Variants in ASPSCR1 observed in about 807,000 individuals in gnomAD.
The protein encoded by ASPSCR1 is ASPSCR1 tether for SLC2A4, UBX domain containing.
In ASPSCR1, 55 loss-of-function variants were observed where a neutral mutation model predicts 68.9. The ratio of observed to expected loss-of-function variants is 0.80; its 90% CI spans 0.64 to 1.00. The LOEUF (loss-of-function observed/expected upper bound fraction) is 1.00. ASPSCR1 is among the 50% of genes least tolerant of loss of function. ASPSCR1 has a pLI of 0.00. For missense variants in ASPSCR1, 765 were observed against 762.2 expected, an observed-to-expected ratio of 1.00 and a Z score of -0.04; for synonymous variants, 352 against 332.6, an observed-to-expected ratio of 1.06 and a Z score of -0.63.
intron 5 of ASPSCR1, 81 bp downstream of exon 5, chr17:81,994,959 C>CG: frequency 7.0e-6 from 10 of 1,431,408 alleles, no homozygotes; most frequent in Non-Finnish European, 9.5e-6. Flanking sequence ...GTCCCGCAGC[C>CG]GTCTCCAGGG....
chr17:82,000,909 A>G (rs1031933460), intron 7 of ASPSCR1, among the ~76,000 whole-genome samples: 2 of 152,064 alleles, frequency 1.3e-5, no homozygotes, highest in African/African-American at 4.8e-5. Context: ...GACGCCCCCC[A>G]CAACTCGGCC....
chr17:81,994,202 T>A (rs956532811), intron 4 of ASPSCR1, among the ~76,000 whole-genome samples: 12 of 152,338 alleles, frequency 7.9e-5, no homozygotes, highest in African/African-American at 2.6e-4. Context: ...GGTCCAGCTG[T>A]GCCTCCTGCG....
At chr17:82,017,267 G>C (rs2043174593) in intron 15 of ASPSCR1, 42 bp from the exon 16 acceptor site, 1 of 1,608,936 alleles carries the variant, frequency 6.2e-7, no homozygotes, top group Non-Finnish European at 8.5e-7. Context: ...CGGGTGGTGA[G>C]AGCCCGGGGT....
Position 81,997,487 on chromosome 17 carries a change from G to GTT in ASPSCR1, c.933+659_933+660dup, listed in dbSNP as rs774654669. On this transcript the variant is annotated intron_variant, in intron 7 of 15. Coordinates refer to ENST00000306739, the MANE Select transcript of ASPSCR1 (RefSeq NM_024083.4). ...AGGCAAATGATTTTTTTTTTTCTGGGTTTTTTTTTTTTTTTTTTTGAGACA... is the reference window on the plus strand; with the variant it reads ...AGGCAAATGATTTTTTTTTTTCTGGGTTTTTTTTTTTTTTTTTTTTTGAGACA... Among the ~76,000 whole-genome samples the GTT allele has an allele frequency of 1.1e-3, 143 of 135,898 alleles. 1 individual carries two copies. Among genetic ancestry groups the GTT allele is most frequent in the East Asian group, 1.9e-3 (9 of 4,692 alleles). 89.2% of individuals were successfully genotyped at this position (135,898 alleles called of 152,430 possible).
Position 81,990,926 on chromosome 17 carries a change from C to T in ASPSCR1, c.375-3895C>T, listed in dbSNP as rs116069616. On this transcript the variant is annotated intron_variant, in intron 4 of 15. Transcript: ENST00000306739. This position sits in a 1 kb window ranked among gnomAD's most constrained non-coding sequence, Gnocchi z 4.1. Reference sequence around the variant, plus strand: ...TGGGCAGTCCACGAGGGCAGGCGGGCGAGTCCCGTAGTTTGAATCCCACGT... The same window carrying T: ...TGGGCAGTCCACGAGGGCAGGCGGGTGAGTCCCGTAGTTTGAATCCCACGT... Among the ~76,000 whole-genome samples, 236 of 152,222 alleles carry T rather than the reference C, an allele frequency of 1.6e-3. No homozygotes were observed. Among genetic ancestry groups the T allele is most frequent in the African/African-American group, 2.7e-3 (111 of 41,526 alleles).
Position 82,011,574 on chromosome 17 carries a change from C to T in ASPSCR1, c.1269C>T (p.His423=), listed in dbSNP as rs1209630084. Residue 423 remains histidine (H), a synonymous_variant, in exon 11 of 16, where the codon CAC becomes CAT. Transcript: ENST00000306739. The part of the protein sequence containing the change: ...VGDLRDFVRS[H]LGNPELSFYL... ...ACTTGCGAGACTTCGTGAGGAGCCA[C>T]CTGGGGAACCCCGAGCTGTCATTTT... 1 of 1,581,962 alleles carries T rather than the reference C, an allele frequency of 6.3e-7. No individual in the cohort carries two copies. The highest frequency in any genetic ancestry group is 8.5e-7 in the Non-Finnish European group (1 of 1,170,338).
chr17:82,010,807 T>C lies in ASPSCR1; in HGVS notation c.1176T>C (p.Ala392=). 6.2e-7 allele frequency: 1 copy of C among 1,613,204 alleles called. No homozygotes were observed. The highest frequency in any genetic ancestry group is 8.5e-7 in the Non-Finnish European group (1 of 1,179,880). Residue 392 remains alanine, a synonymous_variant, in exon 10 of 16, where the codon GCT becomes GCC. Transcript: ENST00000306739. ...CTTCCACTTGTCTGGCCTAGGTGGC[T>C]CTGAGGGTCCTGTTCCCCGACCGCT... The part of the protein sequence containing the change: ...KEKLERYPKV[A]LRVLFPDRYV...
At chr17:81,993,512 T>A (rs949213355) in intron 4 of ASPSCR1, among the ~76,000 whole-genome samples, 7 of 152,188 alleles carry the variant, frequency 4.6e-5, no homozygotes, top group African/African-American at 1.7e-4. Flanking sequence ...CGCGCCCGGC[T>A]GAGTCCTGCT....
intron 9 of ASPSCR1, 152 bp from the exon 10 acceptor site, chr17:82,010,650 G>A (rs925591526): frequency 8.0e-6 from 6 of 745,502 alleles, no homozygotes; most frequent in Admixed American, 2.3e-5. Context: ...TGCCACGGGG[G>A]AGTCAAAGCC....
At chr17:82,012,145 C>A in intron 11 of ASPSCR1, 86 bp from the exon 12 acceptor site, 2 of 1,463,292 alleles carry the variant, frequency 1.4e-6, no homozygotes, top group South Asian at 1.1e-5. Context: ...AGGCGTCACC[C>A]CCATCTGCAG....
chr17:81,988,930 G>A (rs758427546), intron 4 of ASPSCR1, among the ~76,000 whole-genome samples: 38 of 152,168 alleles, frequency 2.5e-4, no homozygotes, highest in Non-Finnish European at 4.7e-4. Flanking sequence ...TTTCCAGGCC[G>A]GGCATGGCGG....
Position 81,996,751 on chromosome 17 carries a change from T to C in ASPSCR1, c.838T>C (p.Ser280Pro), listed in dbSNP as rs751641748. ...PKSLSSPGGP[S>P]KPKKSKSGQD... ...GTCCCTCTCCAGCCCTGGAGGCCCC[T>C]CCAAGCCAAAGAAGTCCAAGTCGGG... is the stretch of plus-strand genomic sequence containing the variant. Residue 280 changes from serine to proline, a missense_variant, in exon 7 of 16, where the codon TCC (serine) becomes CCC (proline). Ser to Pro is a moderately conservative substitution (Grantham distance 74). Transcript: ENST00000306739. 1 of 1,613,056 alleles carries C rather than the reference T, an allele frequency of 6.2e-7. No homozygotes were observed. The highest frequency in any genetic ancestry group is 1.1e-5 in the South Asian group (1 of 91,066).
rs775766042 is a variant in ASPSCR1, at chr17:82,010,495, C to G, written c.1171-307C>G. Among the ~76,000 whole-genome samples the G allele has an allele frequency of 6.2e-4, 92 of 149,482 alleles. 1 individual carries two copies. Among genetic ancestry groups the G allele is most frequent in the Non-Finnish European group, 1.2e-3 (80 of 67,456 alleles). ...AGTGAGCCGAGATCATGCCACTGCACTCCAGCCTGGGCGACAGAGTGAGAC... is the reference window on the plus strand; with the variant it reads ...AGTGAGCCGAGATCATGCCACTGCAGTCCAGCCTGGGCGACAGAGTGAGAC... On this transcript the variant is annotated intron_variant, in intron 9 of 15. Transcript: ENST00000306739.
At chr17:82,002,669 T>G (rs1014741195) in intron 7 of ASPSCR1, among the ~76,000 whole-genome samples, 2 of 151,994 alleles carry the variant, frequency 1.3e-5, no homozygotes, top group Non-Finnish European at 2.9e-5. Context: ...TTCAAGTGAT[T>G]CTGCTGCCTC....
intron 4 of ASPSCR1, 82 bp downstream of exon 4, chr17:81,985,689 G>A (rs1475768023): frequency 7.3e-7 from 1 of 1,377,658 alleles, no homozygotes. Flanking sequence ...GTTCAGAGCT[G>A]GACACCCAAG....
intron 4 of ASPSCR1, among the ~76,000 whole-genome samples, chr17:81,989,913 G>C (rs1201641535): frequency 6.6e-6 from 1 of 152,216 alleles, no homozygotes; most frequent in East Asian, 1.9e-4. Flanking sequence ...TCAGCCACCT[G>C]AGTAGCTGGG....
At chr17:81,989,118 G>A (rs2042084450) in intron 4 of ASPSCR1, among the ~76,000 whole-genome samples, 2 of 152,340 alleles carry the variant, frequency 1.3e-5, no homozygotes, top group Non-Finnish European at 1.5e-5. Flanking sequence ...TGAGGCAGGA[G>A]AATCACTTGA....
intron 7 of ASPSCR1, among the ~76,000 whole-genome samples, chr17:81,998,522 C>G (rs1054535740): frequency 6.6e-6 from 1 of 152,120 alleles, no homozygotes; most frequent in Non-Finnish European, 1.5e-5. Context: ...ATTTCTCTGC[C>G]AAGGATGATG....
At position 82,009,020 on chromosome 17, in the gene ASPSCR1, G is replaced by A. The variant is rs991098872; in HGVS notation, c.934-17G>A. 20 of 1,500,430 alleles carry A rather than the reference G, an allele frequency of 1.3e-5. No homozygotes were observed. Among genetic ancestry groups the A allele is most frequent in the South Asian group, 6.3e-5 (5 of 79,142 alleles). The allele number at this position is 1,500,430 out of a possible 1,614,324, so 92.9% of individuals were successfully genotyped here. On this transcript the variant is annotated splice_polypyrimidine_tract_variant and intron_variant, in intron 7 of 15. Coordinates refer to ENST00000306739, the MANE Select transcript of ASPSCR1 (RefSeq NM_024083.4). ...CAGCCCGTGACACCCGCCGTCAGCC[G>A]CGCCCTCTGCCTCCAGCCCGTGGAC... is the stretch of plus-strand genomic sequence containing the variant.
Sources: allele counts gnomAD v4.1 joint callset (sites outside exome capture counted in the v4.1 genomes callset), GRCh38; gene constraint gnomAD v4.1.1; non-coding constraint Gnocchi (gnomAD v3.1); transcripts MANE v1.5; gene names NCBI Gene and HGNC (gene_info 2026-07-23, HGNC 2026-07-21).